HYAL2: variants seen among roughly 807,000 people sequenced by gnomAD.
HYAL2 encodes hyaluronidase 2, also known as hyaluronidase-2.
In HYAL2, 30 loss-of-function variants were observed where a neutral mutation model predicts 35.4. That is an observed-to-expected ratio of 0.85 (90% CI 0.63 to 1.15). The LOEUF (loss-of-function observed/expected upper bound fraction) is 1.15. Among genes scored for constraint, HYAL2 ranks in the 50% most tolerant of loss-of-function variants. The pLI is 0.00. For missense variants in HYAL2, 635 were observed against 646.5 expected (o/e 0.98, Z 0.19); for synonymous variants, 262 against 252.8 (o/e 1.04, Z -0.34).
chr3:50,318,334 T>C lies in HYAL2; in HGVS notation c.1217A>G (p.Gln406Arg). 1 of 1,613,468 alleles carries C rather than the reference T, an allele frequency of 6.2e-7. No homozygotes were observed. The highest frequency in any genetic ancestry group is 8.5e-7 in the Non-Finnish European group (1 of 1,180,028). ...LVPGHAPGEPQLRPVGELSWA... is the reference protein window; with the variant it reads ...LVPGHAPGEPRLRPVGELSWA... ...ACTGAGCTCCCCCACAGGTCGCAGC[T>C]GGGGTTCACCAGGTGCATGGCCAGG... Residue 406 changes from glutamine (Q) to arginine (R), a missense_variant, in exon 4 of 4, where the codon CAG becomes CGG. Transcript: ENST00000357750. The surrounding 1 kb of genome is among the most constrained non-coding windows in gnomAD (Gnocchi z 4.5).
In HYAL2 at chr3:50,319,832, A is replaced by C. The variant is rs35098416; in HGVS notation, c.658T>G (p.Trp220Gly). The C allele has an allele frequency of 6.2e-6, 10 of 1,613,672 alleles. No individual in the cohort carries two copies. The African/African-American group carries it at 1.3e-4, about 22-fold the overall frequency. Residue 220 changes from tryptophan to glycine, a missense_variant, in exon 2 of 4, where the codon TGG (tryptophan) becomes GGG (glycine). Transcript: ENST00000357750. ...GGGCAGCGGCCTGTGTAGCTCTCCC[A>C]GTTCTGCACATAATCATGATTGTAG... is the stretch of plus-strand genomic sequence containing the variant. ...DCYNHDYVQNWESYTGRCPDV... is the reference protein window; with the variant it reads ...DCYNHDYVQNGESYTGRCPDV...
Position 50,320,390 on chromosome 3 carries a change from G to A in HYAL2, c.100C>T (p.Arg34Trp), listed in dbSNP as rs1553716474. 4.3e-6 allele frequency: 7 copies of A among 1,611,696 alleles called. No individual in the cohort carries two copies. Among genetic ancestry groups the A allele is most frequent in the Non-Finnish European group, 5.1e-6 (6 of 1,178,702 alleles). ...KPTAPPIFTG[R>W]PFVVAWDVPT... is the part of the protein sequence containing the mutation. ...ACGTCCCACGCTACCACAAAGGGCC[G>A]GCCAGTGAAGATGGGTGGTGCTGTG... Residue 34 changes from arginine (R) to tryptophan (W), a missense_variant, in exon 2 of 4, where the codon CGG (arginine) becomes TGG (tryptophan). Arg to Trp is a moderately radical substitution (Grantham distance 101, BLOSUM62 -3). Coordinates refer to ENST00000357750, the MANE Select transcript of HYAL2 (RefSeq NM_003773.5). This position sits in a 1 kb window ranked among gnomAD's most constrained non-coding sequence, Gnocchi z 4.8.
chr3:50,319,174 G>A, intron 2 of HYAL2, 129 bp from the exon 3 acceptor site: 1 of 617,286 alleles, frequency 1.6e-6, no homozygotes, highest in Non-Finnish European at 2.7e-6. Flanking sequence ...TCACGTCCAG[G>A]CAGAGGCTCA....
Position 50,320,202 on chromosome 3 carries a change from C to T in HYAL2, c.288G>A (p.Val96=), listed in dbSNP as rs782616199. The T allele has an allele frequency of 2.5e-6, 4 of 1,613,990 alleles. No individual in the cohort carries two copies. The African/African-American group carries it at 4.0e-5, about 16-fold the overall frequency. Residue 96 remains valine, a synonymous_variant, in exon 2 of 4, where the codon GTG becomes GTA. Transcript: ENST00000357750. This position sits in a 1 kb window ranked among gnomAD's most constrained non-coding sequence, Gnocchi z 4.8. ...YPRFDSAGRS[V]HGGVPQNVSL... ...TGACATTCTGTGGCACACCACCATG[C>T]ACAGACCTTCCGGCAGAATCGAAGC...
Position 50,318,201 on chromosome 3 carries a change from G to A in HYAL2, c.1350C>T (p.Ser450=), listed in dbSNP as rs782228571. The A allele has an allele frequency of 5.0e-6, 8 of 1,612,952 alleles. No individual in the cohort carries two copies. The highest frequency in any genetic ancestry group is 1.1e-5 in the South Asian group (1 of 91,048). Residue 450 remains serine (S), a synonymous_variant, in exon 4 of 4, where the codon AGC becomes AGT. Coordinates refer to ENST00000357750, the MANE Select transcript of HYAL2 (RefSeq NM_003773.5). The surrounding 1 kb of genome is among the most constrained non-coding windows in gnomAD (Gnocchi z 4.5). The stretch of plus-strand genomic sequence containing the variant: ...TGAGGTGGGACCCAGCCCAGGCCTC[G>A]CTGGCACCTCCAGCTGCCTGCCTAT... The part of the protein sequence containing the change: ...WDHRQAAGGA[S]EAWAGSHLTS...
rs1172602608 is a variant in HYAL2 at position 50,318,839 on chromosome 3, G to A, written c.1011+117C>T. 22 of 906,252 alleles carry A rather than the reference G, an allele frequency of 2.4e-5. No homozygotes were observed. The highest frequency in any genetic ancestry group is 1.8e-4 in the African/African-American group (11 of 61,548). 56.1% of individuals were successfully genotyped at this position (906,252 alleles called of 1,614,324 possible). The stretch of plus-strand genomic sequence containing the variant: ...CTCCTGTTGCCACCAGGGATGCCTC[G>A]GGTGGGAGACAGACAAGGGGACCAG... On this transcript the variant is annotated intron_variant, in intron 3 of 3. Coordinates refer to ENST00000357750, the MANE Select transcript of HYAL2 (RefSeq NM_003773.5). This position sits in a 1 kb window ranked among gnomAD's most constrained non-coding sequence, Gnocchi z 4.5.
rs923986994 is a variant in HYAL2 at position 50,318,841 on chromosome 3, G to A, written c.1011+115C>T. ...CCTGTTGCCACCAGGGATGCCTCGG[G>A]TGGGAGACAGACAAGGGGACCAGAC... is the stretch of plus-strand genomic sequence containing the variant. On this transcript the variant is annotated intron_variant, in intron 3 of 3. Coordinates refer to ENST00000357750, the MANE Select transcript of HYAL2 (RefSeq NM_003773.5). The surrounding 1 kb of genome is among the most constrained non-coding windows in gnomAD (Gnocchi z 4.5). The A allele has an allele frequency of 1.1e-6, 1 of 928,044 alleles. No individual in the cohort carries two copies. The highest frequency in any genetic ancestry group is 1.4e-5 in the South Asian group (1 of 72,284). 57.5% of individuals were successfully genotyped at this position (928,044 alleles called of 1,614,324 possible).
In HYAL2 at chr3:50,320,250, G is replaced by A. The variant is rs781881145; in HGVS notation, c.240C>T (p.Arg80=). Residue 80 remains arginine, a synonymous_variant, in exon 2 of 4, where the codon CGC becomes CGT. Coordinates refer to ENST00000357750, the MANE Select transcript of HYAL2 (RefSeq NM_003773.5). This position sits in a 1 kb window ranked among gnomAD's most constrained non-coding sequence, Gnocchi z 4.8. ...FVNQNITIFY[R]DRLGLYPRFD... is the part of the protein sequence containing the mutation. ...AGCGTGGATACAGGCCTAGACGGTC[G>A]CGGTAGAAGATGGTAATATTCTGGT... The A allele has an allele frequency of 1.9e-6, 3 of 1,614,036 alleles. No individual in the cohort carries two copies. The highest frequency in any genetic ancestry group is 1.3e-5 in the African/African-American group (1 of 75,070).
At position 50,318,454 on chromosome 3, in the gene HYAL2, C is replaced by T. The variant is rs1702605919; in HGVS notation, c.1097G>A (p.Ser366Asn). The T allele has an allele frequency of 1.2e-6, 2 of 1,613,056 alleles. No homozygotes were observed. Among genetic ancestry groups the T allele is most frequent in the Non-Finnish European group, 1.7e-6 (2 of 1,180,020 alleles). The change falls in exon 4 of 4, where the codon AGC becomes AAC. Residue 366 changes from serine to asparagine, a missense_variant. Physicochemically the swap from Ser to Asn is conservative, Grantham distance 46 (BLOSUM62 1). Transcript: ENST00000357750. The surrounding 1 kb of genome is among the most constrained non-coding windows in gnomAD (Gnocchi z 4.5). ...VNVSWATQYC[S>N]RAQCHGHGRC... ...CCCATGGCCATGGCACTGGGCCCGG[C>T]TGCAATATTGGGTGGCCCAGGACAC...
At position 50,318,378 on chromosome 3, in the gene HYAL2, G is replaced by A; in HGVS notation, c.1173C>T (p.Thr391=). ...PSASTFLHLS[T]NSFRLVPGHA... is the part of the protein sequence containing the mutation. ...GGCCAGGCACTAGGCGGAAACTGTT[G>A]GTGCTGAGATGCAGGAAGGTACTGG... The change falls in exon 4 of 4, where the codon ACC becomes ACT. Residue 391 remains threonine, a synonymous_variant. Transcript: ENST00000357750. This position sits in a 1 kb window ranked among gnomAD's most constrained non-coding sequence, Gnocchi z 4.5. 6.2e-7 allele frequency: 1 copy of A among 1,613,380 alleles called. No individual in the cohort carries two copies. Among genetic ancestry groups the A allele is most frequent in the South Asian group, 1.1e-5 (1 of 91,092 alleles).
chr3:50,320,159 T>A lies in HYAL2; in HGVS notation c.331A>T (p.Lys111Ter). Residue 111 changes from lysine (K) to a stop codon, truncating the protein, a stop_gained, in exon 2 of 4, where the codon AAG becomes TAG. Transcript: ENST00000357750. LOFTEE classifies it high-confidence loss of function. The surrounding 1 kb of genome is among the most constrained non-coding windows in gnomAD (Gnocchi z 4.8). ...TGCTCCACACGTTTCTGCAGCATCT[T>A]CCGGTGTGCCCAAAGGCTGACATTC... Reference protein sequence around the residue: ...PQNVSLWAHRKMLQKRVEHYI... With the variant: ...PQNVSLWAHR The A allele has an allele frequency of 6.2e-7, 1 of 1,613,866 alleles. No homozygotes were observed.
rs1304204230 is a variant in HYAL2, at chr3:50,320,678, G to A, written c.-46-143C>T. ...TAGGTTTGAGAGACCACAGGCCACT[G>A]CAGGGCAGACAAGGCACCCTGGGAA... On this transcript the variant is annotated intron_variant, in intron 1 of 3. Coordinates refer to ENST00000357750, the MANE Select transcript of HYAL2 (RefSeq NM_003773.5). This position sits in a 1 kb window ranked among gnomAD's most constrained non-coding sequence, Gnocchi z 4.8. 1.4e-5 allele frequency: 8 copies of A among 572,212 alleles called. No individual in the cohort carries two copies. The highest frequency in any genetic ancestry group is 1.3e-4 in the African/African-American group (7 of 53,462). 35.4% of individuals were successfully genotyped at this position (572,212 alleles called of 1,614,324 possible).
rs1478691383 is a variant in HYAL2, at chr3:50,317,815, G to C, written c.*314C>G. ...ACAAAATCCAAGCAGAGAAGCAATT[G>C]TTTTATGTTTAATTTACAAAAGAGA... On this transcript the variant is annotated 3_prime_UTR_variant, in exon 4 of 4. Transcript: ENST00000357750. 3.7e-6 allele frequency: 1 copy of C among 272,040 alleles called. No individual in the cohort carries two copies. Among genetic ancestry groups the C allele is most frequent in the East Asian group, 6.7e-5 (1 of 14,996 alleles). The allele number at this position is 272,040 out of a possible 1,614,324, so 16.9% of individuals were successfully genotyped here. A position where few individuals can be genotyped will look rare whatever the true frequency, so the allele number is the denominator to read the frequency against.
chr3:50,319,394 C>T (rs1456906570), intron 2 of HYAL2, among the ~76,000 whole-genome samples, 175 bp downstream of exon 2: 2 of 152,194 alleles, frequency 1.3e-5, no homozygotes, highest in African/African-American at 4.8e-5. Flanking sequence ...CAATTGTTCT[C>T]ATCTGAAAAA....
In HYAL2 at chr3:50,318,956, C is replaced by T. The variant is rs782689985; in HGVS notation, c.1011G>A (p.Thr337=). The T allele has an allele frequency of 1.2e-5, 20 of 1,613,176 alleles. No individual in the cohort carries two copies. Among genetic ancestry groups the T allele is most frequent in the Non-Finnish European group, 1.7e-5 (20 of 1,179,494 alleles). The part of the protein sequence containing the change: ...LWGDAGYTTS[T]ETCQYLKDYL... ...CTCTGGCAGGCTGGGTCTCGCTTAC[C>T]GTGCTTGTGGTGTACCCCGCGTCAC... Residue 337 remains threonine, a splice_region_variant and synonymous_variant, in exon 3 of 4, where the codon ACG becomes ACA. Coordinates refer to ENST00000357750, the MANE Select transcript of HYAL2 (RefSeq NM_003773.5). This position sits in a 1 kb window ranked among gnomAD's most constrained non-coding sequence, Gnocchi z 4.5.
rs952723199 is a variant in HYAL2 at position 50,320,074 on chromosome 3, G to C, written c.416C>G (p.Pro139Arg). 6.2e-6 allele frequency: 10 copies of C among 1,613,454 alleles called. No individual in the cohort carries two copies. Among genetic ancestry groups the C allele is most frequent in the Non-Finnish European group, 8.5e-6 (10 of 1,180,048 alleles). The change falls in exon 2 of 4, where the codon CCT becomes CGT. Residue 139 changes from proline (P) to arginine (R), a missense_variant. By Grantham distance (103) the Pro-to-Arg change is moderately radical. Coordinates refer to ENST00000357750, the MANE Select transcript of HYAL2 (RefSeq NM_003773.5). This position sits in a 1 kb window ranked among gnomAD's most constrained non-coding sequence, Gnocchi z 4.8. ...LAVIDWEDWR[P>R]VWVRNWQDKD... is the part of the protein sequence containing the mutation. ...GTCCTGCCAGTTGCGCACCCACACA[G>C]GTCGCCAGTCCTCCCAGTCGATGAC...
At position 50,319,817 on chromosome 3, in the gene HYAL2, C is replaced by G; in HGVS notation, c.673G>C (p.Gly225Arg). Residue 225 changes from glycine to arginine, a missense_variant, in exon 2 of 4, where the codon GGC becomes CGC. By Grantham distance (125) the Gly-to-Arg change is moderately radical. Transcript: ENST00000357750. ...DYVQNWESYTGRCPDVEVARN... is the reference protein window; with the variant it reads ...DYVQNWESYTRRCPDVEVARN... ...GCCACCTCAACATCAGGGCAGCGGC[C>G]TGTGTAGCTCTCCCAGTTCTGCACA... 1 of 1,613,734 alleles carries G rather than the reference C, an allele frequency of 6.2e-7. No homozygotes were observed. Among genetic ancestry groups the G allele is most frequent in the South Asian group, 1.1e-5 (1 of 91,086 alleles).
rs771280335 is a variant in HYAL2, at chr3:50,318,083, C to T, written c.*46G>A. Reference sequence around the variant, plus strand: ...GCAGGGTCCTACATGCCTAAGAGAGCCCTTGTGGTAGAGGCCAGCTTGCTA... The same window carrying T: ...GCAGGGTCCTACATGCCTAAGAGAGTCCTTGTGGTAGAGGCCAGCTTGCTA... On this transcript the variant is annotated 3_prime_UTR_variant, in exon 4 of 4. Transcript: ENST00000357750. This position sits in a 1 kb window ranked among gnomAD's most constrained non-coding sequence, Gnocchi z 4.5. 4.2e-5 allele frequency: 64 copies of T among 1,521,146 alleles called. No individual in the cohort carries two copies. The highest frequency in any genetic ancestry group is 7.8e-5 in the South Asian group (6 of 76,500). 94.2% of individuals were successfully genotyped at this position (1,521,146 alleles called of 1,614,324 possible).
chr3:50,318,718 G>C lies in HYAL2; in HGVS notation c.1012-179C>G, dbSNP rs1702614757. The C allele has an allele frequency of 1.4e-5, 10 of 714,294 alleles. No individual in the cohort carries two copies. Among genetic ancestry groups the C allele is most frequent in the Non-Finnish European group, 2.3e-5 (10 of 436,196 alleles). 44.2% of individuals were successfully genotyped at this position (714,294 alleles called of 1,614,324 possible). A position where few individuals can be genotyped will look rare whatever the true frequency, so the allele number is the denominator to read the frequency against. Reference sequence around the variant, plus strand: ...CTGCTGAGAAGTGGGTGGGGGTACAGACCGGAACCCAGTTGGGCAGATGGG... The same window carrying C: ...CTGCTGAGAAGTGGGTGGGGGTACACACCGGAACCCAGTTGGGCAGATGGG... On this transcript the variant is annotated intron_variant, in intron 3 of 3. Coordinates refer to ENST00000357750, the MANE Select transcript of HYAL2 (RefSeq NM_003773.5). This position sits in a 1 kb window ranked among gnomAD's most constrained non-coding sequence, Gnocchi z 4.5.
Sources: gnomAD v4.1 joint callset for allele counts (sites outside exome capture counted in the v4.1 genomes callset) on GRCh38, gnomAD v4.1.1 for gene constraint, Gnocchi (gnomAD v3.1) non-coding constraint, MANE v1.5 for transcripts, NCBI Gene and HGNC (gene_info 2026-07-23, HGNC 2026-07-21) for gene names.